Variants in RAB30 observed in about 807,000 individuals in gnomAD.
RAB30 encodes the protein RAB30, member RAS oncogene family, also known as ras-related protein Rab-30.
RAB30 carries 9 observed loss-of-function variants against 25.1 expected under a neutral mutation model. The ratio of observed to expected loss-of-function variants is 0.36; its 90% CI spans 0.22 to 0.63. The LOEUF (loss-of-function observed/expected upper bound fraction) is 0.63. RAB30 is among the 20% of genes least tolerant of loss of function. The pLI, the probability that RAB30 is intolerant of heterozygous loss-of-function variation, is 0.69. For missense variants in RAB30, 140 were observed against 243.5 expected (o/e 0.58, Z 2.83); for synonymous variants, 77 against 86.4 (o/e 0.89, Z 0.60).
At chr11:83,043,847 C>T (rs1221422515) in intron 1 of RAB30, among the ~76,000 whole-genome samples, 1 of 152,198 alleles carries the variant, frequency 6.6e-6, no homozygotes, top group Admixed American at 6.5e-5. Context: ...TGAACAGATC[C>T]TTTCCATCTC....
At chr11:83,056,649 A>C (rs1844139773) in intron 1 of RAB30, among the ~76,000 whole-genome samples, 1 of 152,238 alleles carries the variant, frequency 6.6e-6, no homozygotes, top group African/African-American at 2.4e-5. Flanking sequence ...CAAATTGTCC[A>C]GCAGAAAAAT....
intron 1 of RAB30, among the ~76,000 whole-genome samples, chr11:83,039,957 G>A (rs1400316125): frequency 2.6e-5 from 4 of 152,166 alleles, no homozygotes; most frequent in Non-Finnish European, 5.9e-5. Flanking sequence ...AAGTTTGGCA[G>A]TAAAAGGAGG....
intron 1 of RAB30, among the ~76,000 whole-genome samples, chr11:83,046,555 G>A (rs373403945): frequency 3.3e-5 from 5 of 151,630 alleles, no homozygotes; most frequent in South Asian, 2.1e-4. Context: ...GTGCAGTGGC[G>A]TGATCATAGC....
rs912369465 is a variant in RAB30, at chr11:82,979,706, G to A, written c.*2459C>T. On this transcript the variant is annotated 3_prime_UTR_variant, in exon 5 of 5. Coordinates refer to ENST00000527633, the MANE Select transcript of RAB30 (RefSeq NM_001286060.2). ...TATATTAGTAGACAAGTATCCATAA[G>A]GCCTAATCTGGAATTCATACAACTA... 1 of 152,106 alleles carries A rather than the reference G, an allele frequency of 6.6e-6. No individual in the cohort carries two copies. The highest frequency in any genetic ancestry group is 1.5e-5 in the Non-Finnish European group (1 of 68,018). The allele number at this position is 152,106 out of a possible 1,614,324, so 9.4% of individuals were successfully genotyped here.
intron 1 of RAB30, among the ~76,000 whole-genome samples, chr11:83,000,088 T>C (rs895497025): frequency 1.3e-5 from 2 of 152,156 alleles, no homozygotes; most frequent in African/African-American, 4.8e-5. Flanking sequence ...GACGCTATAC[T>C]ATTAGTATCC....
At chr11:83,064,790 CATT>C (rs1308277376) in intron 1 of RAB30, among the ~76,000 whole-genome samples, 2 of 152,148 alleles carry the variant, frequency 1.3e-5, no homozygotes, top group African/African-American at 4.8e-5. Flanking sequence ...CAAATGGAAT[CATT>C]ATCACATCCA....
intron 1 of RAB30, among the ~76,000 whole-genome samples, chr11:83,062,250 T>C (rs1413136803): frequency 6.6e-6 from 1 of 152,164 alleles, no homozygotes; most frequent in Admixed American, 6.5e-5. Flanking sequence ...GGTTCCTCAT[T>C]TGTATGTAAA....
intron 3 of RAB30, 120 bp from the exon 4 acceptor site, chr11:82,987,890 G>T (rs1590835296): frequency 1.4e-5 from 2 of 138,784 alleles, no homozygotes; most frequent in East Asian, 1.6e-4. Context: ...ACAATTTCAT[G>T]GTTATTTTCT....
intron 1 of RAB30, among the ~76,000 whole-genome samples, chr11:83,022,879 T>C (rs1442274940): frequency 6.6e-6 from 1 of 152,110 alleles, no homozygotes; most frequent in Admixed American, 6.5e-5. Flanking sequence ...ATTCTTAGAA[T>C]ACACATGCTG....
At chr11:83,058,914 C>T (rs1447025119) in intron 1 of RAB30, among the ~76,000 whole-genome samples, 1 of 152,176 alleles carries the variant, frequency 6.6e-6, no homozygotes, top group Admixed American at 6.5e-5. Flanking sequence ...ATCCCTCTGT[C>T]TCCTGACCAG....
chr11:82,991,342 A>C (rs1856846475), intron 3 of RAB30, among the ~76,000 whole-genome samples: 1 of 151,902 alleles, frequency 6.6e-6, no homozygotes, highest in Non-Finnish European at 1.5e-5. Context: ...TCTACAAAAA[A>C]TAAAAATAAA....
chr11:83,038,419 T>A lies in RAB30; in HGVS notation c.-9+33272A>T, dbSNP rs551319385. On this transcript the variant is annotated intron_variant, in intron 1 of 4. Coordinates refer to ENST00000527633, the MANE Select transcript of RAB30 (RefSeq NM_001286060.2). ...GCGCTGTGTCCTCTGGCAAATTATT[T>A]AAATCCTCTGAATCTCAGTTTATTT... is the stretch of plus-strand genomic sequence containing the variant. Among the ~76,000 whole-genome samples, 8 of 152,358 alleles carry A rather than the reference T, an allele frequency of 5.3e-5. No individual in the cohort carries two copies. In the East Asian group the frequency reaches 1.2e-3, roughly 22 times the overall value.
In RAB30 at chr11:82,980,051, A is replaced by T. The variant is rs1342664757; in HGVS notation, c.*2114T>A. 3 of 152,188 alleles carry T rather than the reference A, an allele frequency of 2.0e-5. No individual in the cohort carries two copies. The highest frequency in any genetic ancestry group is 4.4e-5 in the Non-Finnish European group (3 of 68,038). The allele number at this position is 152,188 out of a possible 1,614,324, so 9.4% of individuals were successfully genotyped here. ...AAAGTTGGGTCATCATGTGCTGGGG[A>T]CACTGGATTTTTGCCCTAAATGACA... On this transcript the variant is annotated 3_prime_UTR_variant, in exon 5 of 5. Transcript: ENST00000527633.
intron 3 of RAB30, among the ~76,000 whole-genome samples, chr11:82,991,093 G>A (rs373199673): frequency 6.6e-5 from 10 of 152,240 alleles, no homozygotes; most frequent in Middle Eastern, 3.4e-3. Flanking sequence ...GATGCCATAC[G>A]AATCACTGGT....
At chr11:82,982,455 A>C in intron 4 of RAB30, 40 bp from the exon 5 acceptor site, 1 of 1,596,002 alleles carries the variant, frequency 6.3e-7, no homozygotes, top group Non-Finnish European at 8.5e-7. Flanking sequence ...TCAGCATTTG[A>C]CTTTTTGCAG....
intron 1 of RAB30, among the ~76,000 whole-genome samples, chr11:83,021,607 G>A (rs566743658): frequency 3.9e-5 from 6 of 152,196 alleles, no homozygotes; most frequent in Non-Finnish European, 5.9e-5. Context: ...TCTGCTCCAC[G>A]CCTGACTCCA....
intron 1 of RAB30, among the ~76,000 whole-genome samples, chr11:83,060,366 T>G (rs1858544741): frequency 6.6e-6 from 1 of 152,170 alleles, no homozygotes; most frequent in Admixed American, 6.5e-5. Flanking sequence ...TGAATTAAAG[T>G]TATTGAGGAA....
intron 1 of RAB30, among the ~76,000 whole-genome samples, chr11:83,048,955 G>C (rs997582942): frequency 6.6e-6 from 1 of 152,174 alleles, no homozygotes; most frequent in Admixed American, 6.5e-5. Context: ...ATGTGAGCTG[G>C]AGCATCCACT....
intron 1 of RAB30, among the ~76,000 whole-genome samples, chr11:83,070,773 C>A (rs1206143269): frequency 6.6e-6 from 1 of 152,180 alleles, no homozygotes; most frequent in Non-Finnish European, 1.5e-5. Context: ...CCATGGGCAC[C>A]TTTCAGTAAT....
Sources: gnomAD v4.1 joint callset for allele counts (sites outside exome capture counted in the v4.1 genomes callset) on GRCh38, gnomAD v4.1.1 for gene constraint, MANE v1.5 for transcripts, NCBI Gene and HGNC (gene_info 2026-07-23, HGNC 2026-07-21) for gene names.